Variants in NMU observed in about 807,000 individuals in gnomAD.
NMU encodes the protein neuromedin-U.
Under a neutral mutation model 35.4 loss-of-function variants are expected in NMU, and 29 were observed. The ratio of observed to expected loss-of-function variants is 0.82; its 90% CI spans 0.61 to 1.12. NMU has a LOEUF of 1.12. Ranked by LOEUF, NMU falls within the 50% of genes most tolerant of loss-of-function variation. The probability of loss-of-function intolerance (pLI) is 0.00; values close to 1 mark genes in which losing one functional copy is unlikely to be tolerated. For synonymous variants in NMU, 78 were observed against 81.3 expected, an observed-to-expected ratio of 0.96 and a Z score of 0.22; for missense variants, 199 against 206.2, an observed-to-expected ratio of 0.97 and a Z score of 0.21.
At chr4:55,596,583 A>C (rs1044493450) in intron 9 of NMU, among the ~76,000 whole-genome samples, 1 of 152,148 alleles carries the variant, frequency 6.6e-6, no homozygotes, top group Admixed American at 6.5e-5. Context: ...TCCTTGAAAA[A>C]ATACAAAATT....
At chr4:55,618,318 G>T (rs1172283101) in intron 2 of NMU, among the ~76,000 whole-genome samples, 1 of 152,070 alleles carries the variant, frequency 6.6e-6, no homozygotes, top group Non-Finnish European at 1.5e-5. Flanking sequence ...CGTCATCTAG[G>T]TTTTAAGCCC....
chr4:55,636,082 T>G lies in NMU; in HGVS notation c.111A>C (p.Arg37=). The change falls in exon 1 of 10, where the codon CGA becomes CGC. Residue 37 remains arginine (R), a splice_region_variant and synonymous_variant. Coordinates refer to ENST00000264218, the MANE Select transcript of NMU (RefSeq NM_006681.4). The surrounding 1 kb of genome is among the most constrained non-coding windows in gnomAD (Gnocchi z 4.0). ...LLLAWCAGAC[R]GAPILPQGLQ... ...CGGCCGGGTGCGGGGCCGTCTTACC[T>G]CGGCAGGCGCCCGCGCACCAGGCGA... 6.5e-7 allele frequency: 1 copy of G among 1,531,054 alleles called. No individual in the cohort carries two copies. The highest frequency in any genetic ancestry group is 8.7e-7 in the Non-Finnish European group (1 of 1,145,198). The allele number at this position is 1,531,054 out of a possible 1,614,324, so 94.8% of individuals were successfully genotyped here. A position where few individuals can be genotyped will look rare whatever the true frequency, so the allele number is the denominator to read the frequency against.
At chr4:55,595,643 A>ATATATTTTTT (rs1258986050) in intron 9 of NMU, among the ~76,000 whole-genome samples, 10 of 66,418 alleles carry the variant, frequency 1.5e-4, no homozygotes, top group South Asian at 5.6e-4. Flanking sequence ...ATATATATAT[A>ATATATTTTTT]TTTTTTTTTT....
chr4:55,607,207 G>T (rs1484903867), intron 6 of NMU, 91 bp downstream of exon 6: 13 of 865,278 alleles, frequency 1.5e-5, no homozygotes, highest in African/African-American at 3.4e-5. Context: ...TAAAAAATTT[G>T]AATTCTGATC....
chr4:55,599,292 A>G (rs1452636744), intron 8 of NMU, 111 bp from the exon 9 acceptor site: 3 of 865,556 alleles, frequency 3.5e-6, no homozygotes, highest in Admixed American at 1.8e-5. Flanking sequence ...ACAATCATCT[A>G]GAGGGCTTTT....
chr4:55,625,249 A>AT (rs893553780), intron 2 of NMU, among the ~76,000 whole-genome samples: 4 of 148,484 alleles, frequency 2.7e-5, no homozygotes, highest in African/African-American at 7.4e-5. Flanking sequence ...CTTTAAATAT[A>AT]TTTTTTTCTG....
chr4:55,630,943 T>C (rs1249437736), intron 1 of NMU, among the ~76,000 whole-genome samples: 1 of 152,172 alleles, frequency 6.6e-6, no homozygotes, highest in Non-Finnish European at 1.5e-5. Context: ...TATAAGCCTA[T>C]AGTTACCAAA....
chr4:55,636,449 G>A (rs188916399), upstream of NMU: 27,433 of 446,318 alleles, frequency 0.061, 2,217 homozygotes, highest in East Asian at 0.33. The surrounding 1 kb of genome is among the most constrained non-coding windows in gnomAD (Gnocchi z 4.0). Context: ...CCTGCAGCAG[G>A]ACCCGAGCCC....
chr4:55,601,607 C>G (rs1318801646), intron 7 of NMU, among the ~76,000 whole-genome samples: 1 of 151,680 alleles, frequency 6.6e-6, no homozygotes, highest in Non-Finnish European at 1.5e-5. Flanking sequence ...CTATAATAAA[C>G]CAATGAAAAA....
chr4:55,608,804 T>C (rs1273860342), intron 4 of NMU, among the ~76,000 whole-genome samples: 1 of 152,088 alleles, frequency 6.6e-6, no homozygotes, highest in African/African-American at 2.4e-5. Context: ...AAGATGCATC[T>C]GTTCTCCAAA....
At chr4:55,603,394 A>C (rs1237174606) in intron 7 of NMU, among the ~76,000 whole-genome samples, 1 of 152,074 alleles carries the variant, frequency 6.6e-6, no homozygotes, top group African/African-American at 2.4e-5. Flanking sequence ...AGGGTACAGC[A>C]TAGTGAAAAA....
intron 3 of NMU, among the ~76,000 whole-genome samples, chr4:55,613,553 G>A (rs936424114): frequency 6.6e-6 from 1 of 152,082 alleles, no homozygotes; most frequent in Non-Finnish European, 1.5e-5. Flanking sequence ...AGAAAATAAT[G>A]ACAATTTTTA....
chr4:55,632,971 A>G (rs547236445), intron 1 of NMU, among the ~76,000 whole-genome samples: 7 of 55,890 alleles, frequency 1.3e-4, no homozygotes, highest in South Asian at 7.0e-4. Flanking sequence ...TTCACTGTGG[A>G]AAAAAAAAAA....
intron 6 of NMU, among the ~76,000 whole-genome samples, chr4:55,605,865 G>A (rs1733666713): frequency 6.6e-6 from 1 of 152,202 alleles, no homozygotes; most frequent in South Asian, 2.1e-4. Context: ...ATGACAATGT[G>A]TTCTCGATAG....
chr4:55,633,595 A>G (rs1361352948), intron 1 of NMU, among the ~76,000 whole-genome samples: 1 of 152,250 alleles, frequency 6.6e-6, no homozygotes, highest in Non-Finnish European at 1.5e-5. Flanking sequence ...ATTACTATCT[A>G]CTAAAGTGAA....
chr4:55,604,309 A>G (rs1031085768), intron 7 of NMU, among the ~76,000 whole-genome samples: 9 of 151,364 alleles, frequency 5.9e-5, no homozygotes, highest in African/African-American at 2.2e-4. Context: ...CAAATGATCC[A>G]CCCACCTCAG....
At chr4:55,604,027 A>ACGTATATATGTATATATGTGTAT (rs1733567304) in intron 7 of NMU, among the ~76,000 whole-genome samples, 12 of 28,990 alleles carry the variant, frequency 4.1e-4, no homozygotes, top group African/African-American at 1.1e-3. Context: ...GTATATATAT[A>ACGTATATATGTATATATGTGTAT]ATCCTAGAAA....
chr4:55,597,893 A>G (rs373083246), intron 9 of NMU, among the ~76,000 whole-genome samples: 12 of 151,796 alleles, frequency 7.9e-5, no homozygotes, highest in African/African-American at 2.9e-4. Context: ...ACTTTTCTAT[A>G]TTTATGATTT....
intron 3 of NMU, 144 bp downstream of exon 3, chr4:55,616,194 T>C: frequency 1.5e-6 from 1 of 687,482 alleles, no homozygotes; most frequent in East Asian, 2.7e-5. Context: ...CCCACAGTAT[T>C]GATTATTATC....
Sources: gnomAD v4.1 joint callset for allele counts (sites outside exome capture counted in the v4.1 genomes callset) on GRCh38, gnomAD v4.1.1 for gene constraint, Gnocchi (gnomAD v3.1) non-coding constraint, MANE v1.5 for transcripts, NCBI Gene and HGNC (gene_info 2026-07-23, HGNC 2026-07-21) for gene names.